RALB: variants seen among roughly 807,000 people sequenced by gnomAD.
RALB encodes the protein RAS like proto-oncogene B.
RALB carries 16 observed loss-of-function variants against 21.3 expected under a neutral mutation model. The observed-to-expected ratio is 0.75, with a 90% confidence interval of 0.51 to 1.14. The LOEUF is 1.14. Among genes scored for constraint, RALB ranks in the 50% most tolerant of loss-of-function variants. The probability of loss-of-function intolerance (pLI) is 0.00; values close to 1 mark genes in which losing one functional copy is unlikely to be tolerated. For synonymous variants in RALB, 93 were observed against 96.1 expected, an observed-to-expected ratio of 0.97 and a Z score of 0.19; for missense variants, 161 against 256.2, an observed-to-expected ratio of 0.63 and a Z score of 2.54.
At chr2:120,264,436 G>A (rs1249132240) in intron 1 of RALB, among the ~76,000 whole-genome samples, 1 of 152,216 alleles carries the variant, frequency 6.6e-6, no homozygotes, top group Non-Finnish European at 1.5e-5. Context: ...ACAGGCGTGA[G>A]CCACCACACC....
At chr2:120,269,206 GTGTGTCTGGAGTTTGTTCCCAAGA>G (rs1689586613) in intron 1 of RALB, among the ~76,000 whole-genome samples, 1 of 152,160 alleles carries the variant, frequency 6.6e-6, no homozygotes, top group Admixed American at 6.5e-5. Context: ...CTTAAACGTG[GTGTGTCTGGAGTTTGTTCCCAAGA>G]TGTATCCGGA....
chr2:120,293,268 G>A lies in RALB; in HGVS notation c.*8G>A, dbSNP rs1385588373. On this transcript the variant is annotated 3_prime_UTR_variant, in exon 5 of 5. Transcript: ENST00000272519. ...AGATGTTGCTTACTATGAGTGTCAA[G>A]GTGACGGATGAAGCCAGCTGCTCCT... 20 of 1,608,022 alleles carry A rather than the reference G, an allele frequency of 1.2e-5. No individual in the cohort carries two copies. Among genetic ancestry groups the A allele is most frequent in the Non-Finnish European group, 1.5e-5 (18 of 1,177,112 alleles).
At position 120,258,776 on chromosome 2, in the gene RALB, G is replaced by T. The variant is rs1407675405; in HGVS notation, c.-48+5796G>T. On this transcript the variant is annotated intron_variant, in intron 1 of 4. Transcript: ENST00000272519. ...AATGGGAGTCAAAAATGACTTCCAG[G>T]TCCCTGGCTTTGGTAACGATACGGA... Among the ~76,000 whole-genome samples the T allele has an allele frequency of 2.0e-5, 3 of 152,222 alleles. No individual in the cohort carries two copies. In the South Asian group the frequency reaches 6.2e-4, roughly 31 times the overall value.
At chr2:120,285,488 G>A (rs1484126933) in intron 2 of RALB, among the ~76,000 whole-genome samples, 1 of 152,122 alleles carries the variant, frequency 6.6e-6, no homozygotes, top group East Asian at 1.9e-4. Flanking sequence ...GTTAATGGGT[G>A]CAGCACACCA....
intron 1 of RALB, among the ~76,000 whole-genome samples, chr2:120,277,914 TGA>T (rs1209930041): frequency 2.7e-5 from 4 of 148,444 alleles, no homozygotes; most frequent in Admixed American, 6.8e-5. Context: ...TGTGTGAATG[TGA>T]GTTAATGTGA....
At position 120,293,414 on chromosome 2, in the gene RALB, G is replaced by T; in HGVS notation, c.*154G>T. 1.4e-6 allele frequency: 1 copy of T among 690,990 alleles called. No individual in the cohort carries two copies. The highest frequency in any genetic ancestry group is 2.1e-6 in the Non-Finnish European group (1 of 477,750). 42.8% of individuals were successfully genotyped at this position (690,990 alleles called of 1,614,324 possible). On this transcript the variant is annotated 3_prime_UTR_variant, in exon 5 of 5. Transcript: ENST00000272519. The stretch of plus-strand genomic sequence containing the variant: ...AATGGGGAAAAATATTTGTGACTCT[G>T]TGGCTGGCAGAAGAAATAAGCCCAT...
intron 1 of RALB, among the ~76,000 whole-genome samples, chr2:120,243,997 AG>A (rs1688931263): frequency 6.6e-6 from 1 of 152,208 alleles, no homozygotes; most frequent in Non-Finnish European, 1.5e-5. Flanking sequence ...CAGGCTGTAC[AG>A]GAACTATGGC....
At chr2:120,254,430 C>G (rs1689145104) in intron 1 of RALB, among the ~76,000 whole-genome samples, 1 of 152,154 alleles carries the variant, frequency 6.6e-6, no homozygotes, top group Admixed American at 6.5e-5. Flanking sequence ...GAGATCTCAG[C>G]CAGATTTCCC....
At position 120,294,667 on chromosome 2, in the gene RALB, A is replaced by G. The variant is rs2104675018; in HGVS notation, c.*1407A>G. ...AAAACAATCCTGTATCCCCTCCCAA[A>G]GAATCATGGGCTTTTTTTTTGAATA... On this transcript the variant is annotated 3_prime_UTR_variant, in exon 5 of 5. Transcript: ENST00000272519. 1 of 162,524 alleles carries G rather than the reference A, an allele frequency of 6.2e-6. No individual in the cohort carries two copies. The highest frequency in any genetic ancestry group is 1.8e-4 in the East Asian group (1 of 5,668). 10.1% of individuals were successfully genotyped at this position (162,524 alleles called of 1,614,324 possible). A position where few individuals can be genotyped will look rare whatever the true frequency, so the allele number is the denominator to read the frequency against.
chr2:120,277,297 G>A (rs1353977652), intron 1 of RALB, among the ~76,000 whole-genome samples: 2 of 152,060 alleles, frequency 1.3e-5, no homozygotes, highest in African/African-American at 4.8e-5. Flanking sequence ...GAGCGTGTGT[G>A]TTCTGTGAAC....
At chr2:120,266,291 C>G (rs1441092167) in intron 1 of RALB, among the ~76,000 whole-genome samples, 1 of 152,168 alleles carries the variant, frequency 6.6e-6, no homozygotes, top group African/African-American at 2.4e-5. Context: ...GTCGCCTGGG[C>G]TGGAGTGCAG....
chr2:120,267,860 G>T (rs569200315), intron 1 of RALB, among the ~76,000 whole-genome samples: 4 of 152,084 alleles, frequency 2.6e-5, no homozygotes, highest in Non-Finnish European at 5.9e-5. Flanking sequence ...GGCGTGATCT[G>T]GGGTCACTGC....
intron 1 of RALB, among the ~76,000 whole-genome samples, chr2:120,260,450 G>T (rs1187482156): frequency 1.3e-5 from 2 of 152,258 alleles, no homozygotes; most frequent in African/African-American, 4.8e-5. Flanking sequence ...CAGCAGCAAG[G>T]CTGTGAGCCT....
At chr2:120,241,320 A>G (rs746526347) in intron 1 of RALB, among the ~76,000 whole-genome samples, 3 of 152,236 alleles carry the variant, frequency 2.0e-5, no homozygotes, top group Non-Finnish European at 4.4e-5. Context: ...GAGAGAATCT[A>G]GTTCACAGGG....
chr2:120,258,691 T>C (rs1004888919), intron 1 of RALB, among the ~76,000 whole-genome samples: 1 of 152,190 alleles, frequency 6.6e-6, no homozygotes, highest in Non-Finnish European at 1.5e-5. Context: ...TGCATGGCTT[T>C]GAAATGTATG....
At chr2:120,284,136 T>G (rs1487162953) in intron 2 of RALB, among the ~76,000 whole-genome samples, 1 of 152,168 alleles carries the variant, frequency 6.6e-6, no homozygotes, top group African/African-American at 2.4e-5. Context: ...AGAAGGACAC[T>G]TGAAAGCACA....
At chr2:120,291,314 C>G (rs1158606227) in intron 4 of RALB, among the ~76,000 whole-genome samples, 1 of 152,170 alleles carries the variant, frequency 6.6e-6, no homozygotes, top group Non-Finnish European at 1.5e-5. Flanking sequence ...GTCAGCTTTT[C>G]TTTATATTGT....
At chr2:120,258,252 T>C (rs1689246103) in intron 1 of RALB, among the ~76,000 whole-genome samples, 1 of 152,230 alleles carries the variant, frequency 6.6e-6, no homozygotes, top group East Asian at 1.9e-4. Flanking sequence ...ACCTCCTCAG[T>C]GTCATCTTGT....
At chr2:120,271,677 A>G (rs1235085687) in intron 1 of RALB, among the ~76,000 whole-genome samples, 5 of 152,168 alleles carry the variant, frequency 3.3e-5, no homozygotes. Context: ...GTTGCTTTGC[A>G]CATGCTGTGT....
Sources: allele counts gnomAD v4.1 joint callset (sites outside exome capture counted in the v4.1 genomes callset), GRCh38; gene constraint gnomAD v4.1.1; transcripts MANE v1.5; gene names NCBI Gene and HGNC (gene_info 2026-07-23, HGNC 2026-07-21).